The following ADCY10 variants were observed in gnomAD, a reference collection of about 807,000 sequenced individuals.
ADCY10 encodes adenylate cyclase 10, also known as adenylate cyclase type 10.
Under a neutral mutation model 183.3 loss-of-function variants are expected in ADCY10, and 156 were observed. That is an observed-to-expected ratio of 0.85 (90% CI 0.75 to 0.97). The LOEUF is 0.97. ADCY10 is among the 50% of genes least tolerant of loss of function. ADCY10 has a pLI of 0.00. For missense variants in ADCY10, 1,745 were observed against 1,934.3 expected (o/e 0.90, Z 1.84); for synonymous variants, 645 against 670.0 (o/e 0.96, Z 0.58).
rs1665016483 is a variant in ADCY10, at chr1:167,846,206, C to T, written c.2495G>A (p.Cys832Tyr). ...MRLSHQMLVR[C>Y]AAIIGLTFTT... ...GAAGGTCAGGCCAATGATGGCAGCA[C>T]ATCTCACCAGCATTTGGTGGGAAAG... The change falls in exon 20 of 33, where the codon TGT becomes TAT. Residue 832 changes from cysteine to tyrosine, a missense_variant. By Grantham distance (194) the Cys-to-Tyr change is radical. Coordinates refer to ENST00000367851, the MANE Select transcript of ADCY10 (RefSeq NM_018417.6). The T allele has an allele frequency of 6.2e-7, 1 of 1,614,196 alleles. No homozygotes were observed. The highest frequency in any genetic ancestry group is 8.5e-7 in the Non-Finnish European group (1 of 1,180,042).
chr1:167,864,002 G>C (rs1666487927), intron 14 of ADCY10, among the ~76,000 whole-genome samples: 1 of 152,186 alleles, frequency 6.6e-6, no homozygotes, highest in South Asian at 2.1e-4. Context: ...CTCCATTTGA[G>C]TGGAAGCATG....
chr1:167,849,555 T>C (rs530430463), intron 18 of ADCY10, among the ~76,000 whole-genome samples: 2 of 152,314 alleles, frequency 1.3e-5, no homozygotes, highest in African/African-American at 4.8e-5. Context: ...ATACAGGACA[T>C]ATTTATTAAG....
chr1:167,849,330 A>G (rs949803976), intron 18 of ADCY10, among the ~76,000 whole-genome samples: 4 of 152,096 alleles, frequency 2.6e-5, no homozygotes, highest in African/African-American at 4.8e-5. Context: ...GTTTCCTAGT[A>G]CTCCAAAATG....
At chr1:167,912,192 A>G (rs1670187543) in intron 1 of ADCY10, among the ~76,000 whole-genome samples, 1 of 152,214 alleles carries the variant, frequency 6.6e-6, no homozygotes, top group African/African-American at 2.4e-5. Context: ...AGGAGTTATT[A>G]AGAAATTATT....
At chr1:167,839,128 C>A (rs1212374047) in intron 21 of ADCY10, among the ~76,000 whole-genome samples, 1 of 152,244 alleles carries the variant, frequency 6.6e-6, no homozygotes, top group Non-Finnish European at 1.5e-5. Context: ...GTAGAGAAGG[C>A]AGTACCATTT....
intron 31 of ADCY10, among the ~76,000 whole-genome samples, chr1:167,814,873 C>T (rs1416107570): frequency 6.6e-6 from 1 of 152,136 alleles, no homozygotes; most frequent in Non-Finnish European, 1.5e-5. Flanking sequence ...TGCCTGTAAT[C>T]CCAGCACTTT....
intron 15 of ADCY10, 90 bp from the exon 16 acceptor site, chr1:167,859,983 C>A: frequency 1.0e-6 from 1 of 979,810 alleles, no homozygotes; most frequent in South Asian, 1.3e-5. Context: ...CTTAACTATT[C>A]TGTGTCTTAA....
chr1:167,817,145 C>A (rs560667489), intron 31 of ADCY10, among the ~76,000 whole-genome samples: 2 of 152,124 alleles, frequency 1.3e-5, no homozygotes, highest in Non-Finnish European at 2.9e-5. Flanking sequence ...GGGTGGATCA[C>A]TTGAGGTCAA....
At chr1:167,911,337 C>T (rs980161766) in intron 1 of ADCY10, among the ~76,000 whole-genome samples, 2 of 152,204 alleles carry the variant, frequency 1.3e-5, no homozygotes, top group Admixed American at 6.5e-5. Flanking sequence ...TATCTGCTAG[C>T]CATAATAAAG....
chr1:167,867,578 G>A (rs203811), intron 14 of ADCY10, among the ~76,000 whole-genome samples: 3 of 152,114 alleles, frequency 2.0e-5, no homozygotes, highest in African/African-American at 7.2e-5. Context: ...CCAACCTGAT[G>A]TGTGTTATGA....
At chr1:167,902,088 G>A (rs557271219) in intron 3 of ADCY10, 34 bp from the exon 4 acceptor site, 4 of 1,593,184 alleles carry the variant, frequency 2.5e-6, no homozygotes, top group Non-Finnish European at 2.6e-6. Flanking sequence ...ATCAAACCCT[G>A]ATTCCTTAAA....
intron 1 of ADCY10, among the ~76,000 whole-genome samples, chr1:167,907,202 G>C (rs1239508869): frequency 3.3e-5 from 5 of 152,154 alleles, no homozygotes; most frequent in Admixed American, 3.3e-4. Flanking sequence ...ACCATAGATG[G>C]GCACATTCTC....
intron 31 of ADCY10, among the ~76,000 whole-genome samples, chr1:167,814,922 T>C (rs1355587768): frequency 6.6e-6 from 1 of 152,096 alleles, no homozygotes; most frequent in Non-Finnish European, 1.5e-5. Context: ...GGTCAGGAGT[T>C]CAGGACCAGC....
chr1:167,895,617 TTTTG>T (rs1364441378), intron 7 of ADCY10, among the ~76,000 whole-genome samples: 1 of 152,200 alleles, frequency 6.6e-6, no homozygotes, highest in Non-Finnish European at 1.5e-5. Context: ...AGGTAGGGTA[TTTTG>T]TTTGTTTTTT....
chr1:167,871,969 A>G (rs975767009), intron 13 of ADCY10, among the ~76,000 whole-genome samples: 1 of 152,246 alleles, frequency 6.6e-6, no homozygotes, highest in Non-Finnish European at 1.5e-5. Context: ...ATGTATACAT[A>G]TGTAACAAAC....
intron 23 of ADCY10, chr1:167,834,509 A>C: frequency 4.0e-6 from 1 of 251,384 alleles, no homozygotes; most frequent in Non-Finnish European, 7.9e-6. Context: ...ATTATGAATC[A>C]CCCCCACTTC....
chr1:167,865,302 T>A (rs1666603663), intron 14 of ADCY10, among the ~76,000 whole-genome samples: 1 of 152,224 alleles, frequency 6.6e-6, no homozygotes. Context: ...AAAAAAATTC[T>A]GTGTGTAAAC....
At chr1:167,911,158 C>T (rs1193720179) in intron 1 of ADCY10, among the ~76,000 whole-genome samples, 1 of 152,202 alleles carries the variant, frequency 6.6e-6, no homozygotes, top group African/African-American at 2.4e-5. Context: ...AGTGTTCAAA[C>T]TGGGCAGTTT....
At position 167,836,498 on chromosome 1, in the gene ADCY10, G is replaced by A. The variant is rs748642374; in HGVS notation, c.3120C>T (p.His1040=). ...CAGATGTCTTCATTTTTGTTAAAAC[G>A]TGGTCAAAGAAATTCAAGATCTTTT... ...IREKILNFFD[H]VLTKMKTSDE... The change falls in exon 23 of 33, where the codon CAC becomes CAT. Residue 1040 remains histidine (H), a synonymous_variant. Coordinates refer to ENST00000367851, the MANE Select transcript of ADCY10 (RefSeq NM_018417.6). 13 of 1,613,734 alleles carry A rather than the reference G, an allele frequency of 8.1e-6. No individual in the cohort carries two copies. The highest frequency in any genetic ancestry group is 2.2e-5 in the East Asian group (1 of 44,890).
Sources: allele counts gnomAD v4.1 joint callset (sites outside exome capture counted in the v4.1 genomes callset), GRCh38; gene constraint gnomAD v4.1.1; transcripts MANE v1.5; gene names NCBI Gene and HGNC (gene_info 2026-07-23, HGNC 2026-07-21).